Variants in LGSN observed in about 807,000 individuals in gnomAD.
LGSN encodes the protein lengsin.
A neutral mutation model predicts 19.5 loss-of-function variants in LGSN; 21 were observed. The observed-to-expected ratio is 1.07, with a 90% CI of 0.76 to 1.55. LGSN has a LOEUF of 1.55. Among genes scored for constraint, LGSN ranks in the 40% most tolerant of loss-of-function variants. LGSN has a pLI of 0.00. For synonymous variants in LGSN, 257 were observed against 215.6 expected, an observed-to-expected ratio of 1.19 and a Z score of -1.68; for missense variants, 673 against 608.5, an observed-to-expected ratio of 1.11 and a Z score of -1.12.
chr6:63,571,039 A>G, the LGSN span: 4 of 152,316 alleles, frequency 2.6e-5, no homozygotes, highest in African/African-American at 9.6e-5. Flanking sequence ...GTAAAGGGAC[A>G]TATTTCTCAA....
chr6:63,507,758 T>C, the LGSN span, among the ~76,000 whole-genome samples: 5 of 152,350 alleles, frequency 3.3e-5, no homozygotes, highest in Admixed American at 6.5e-5. Flanking sequence ...CCTGTTTTTG[T>C]TTCTTACAGC....
chr6:63,412,552 A>AAGAAAGAAAG, the LGSN span, among the ~76,000 whole-genome samples: 1 of 140,154 alleles, frequency 7.1e-6, no homozygotes, highest in African/African-American at 3.0e-5. Flanking sequence ...GAAAGAAAGA[A>AAGAAAGAAAG]AGAAAGAAAG....
the LGSN span, among the ~76,000 whole-genome samples, chr6:63,535,041 C>T: frequency 2.1e-4 from 32 of 151,836 alleles, no homozygotes; most frequent in Middle Eastern, 3.2e-3. Flanking sequence ...GCCTGGGCAA[C>T]AAGAGTGAAA....
At chr6:63,419,880 CAAAAAAAAAAAAAAAAAA>C in the LGSN span, among the ~76,000 whole-genome samples, 31 of 57,340 alleles carry the variant, frequency 5.4e-4, no homozygotes, top group African/African-American at 1.3e-3. Flanking sequence ...AACTCCCTCC[CAAAAAAAAAAAAAAAAAA>C]AAAAAAAAAA....
At chr6:63,426,430 A>G in the LGSN span, among the ~76,000 whole-genome samples, 1 of 152,116 alleles carries the variant, frequency 6.6e-6, no homozygotes, top group African/African-American at 2.4e-5. Flanking sequence ...TACACACACA[A>G]ACGAAGTGTT....
the LGSN span, among the ~76,000 whole-genome samples, chr6:63,562,134 A>T: frequency 3.9e-5 from 6 of 152,072 alleles, no homozygotes; most frequent in Non-Finnish European, 8.8e-5. Flanking sequence ...CTATTTTTAT[A>T]GCATTTCTTT....
At chr6:63,426,264 T>C in the LGSN span, among the ~76,000 whole-genome samples, 2 of 152,184 alleles carry the variant, frequency 1.3e-5, no homozygotes, top group African/African-American at 4.8e-5. Context: ...GCTTTTCCCT[T>C]TGGAATTCTG....
At chr6:63,541,158 A>G in the LGSN span, among the ~76,000 whole-genome samples, 2 of 152,210 alleles carry the variant, frequency 1.3e-5, no homozygotes, top group Non-Finnish European at 2.9e-5. Flanking sequence ...AGAAATCTGC[A>G]TCTCATCCTA....
the LGSN span, among the ~76,000 whole-genome samples, chr6:63,399,107 T>C: frequency 1.3e-5 from 2 of 151,934 alleles, no homozygotes; most frequent in Non-Finnish European, 2.9e-5. Context: ...GCACGTGGCC[T>C]CATTTTTTTT....
rs1767281659 is a variant in LGSN, at chr6:63,280,917, T to C, written c.634A>G (p.Ile212Val). 6.2e-7 allele frequency: 1 copy of C among 1,613,938 alleles called. No individual in the cohort carries two copies. The highest frequency in any genetic ancestry group is 8.5e-7 in the Non-Finnish European group (1 of 1,179,990). The change falls in exon 4 of 4, where the codon ATT (isoleucine) becomes GTT (valine). Residue 212 changes from isoleucine to valine, a missense_variant. Physicochemically the swap from Ile to Val is conservative, Grantham distance 29 (BLOSUM62 3). Coordinates refer to ENST00000370657, the MANE Select transcript of LGSN (RefSeq NM_016571.3). ...TTTAAAATTTCGGGCACACCAAAAA[T>C]GCAAAAATCATAGATGAAAGCAGAA... The part of the protein sequence containing the change: ...LLSAFIYDFC[I>V]FGVPEILNSK...
chr6:63,303,239 T>C (rs867394686), intron 1 of LGSN, among the ~76,000 whole-genome samples: 2 of 152,218 alleles, frequency 1.3e-5, no homozygotes, highest in South Asian at 4.1e-4. Context: ...CATTTACAGA[T>C]GGCTTCTATT....
the LGSN span, among the ~76,000 whole-genome samples, chr6:63,450,056 T>C: frequency 6.6e-6 from 1 of 151,694 alleles, no homozygotes; most frequent in African/African-American, 2.4e-5. Flanking sequence ...ATGTCTAAAA[T>C]TGAAAAATGG....
the LGSN span, among the ~76,000 whole-genome samples, chr6:63,352,682 G>GACACACAC: frequency 6.9e-6 from 1 of 145,058 alleles, no homozygotes; most frequent in East Asian, 2.0e-4. Flanking sequence ...CACACACACA[G>GACACACAC]ACACACACAC....
chr6:63,373,982 A>T, the LGSN span, among the ~76,000 whole-genome samples: 4 of 152,160 alleles, frequency 2.6e-5, no homozygotes, highest in African/African-American at 9.7e-5. Context: ...CATCCATGGG[A>T]CAATTGACAA....
the LGSN span, chr6:63,548,940 A>C: frequency 2.3e-6 from 2 of 867,942 alleles, no homozygotes; most frequent in African/African-American, 3.3e-5. Flanking sequence ...TAGACGTCCC[A>C]GTCTTGCCTC....
chr6:63,299,091 G>C (rs573199732), intron 1 of LGSN, among the ~76,000 whole-genome samples: 1 of 152,020 alleles, frequency 6.6e-6, no homozygotes, highest in African/African-American at 2.4e-5. Flanking sequence ...TTATTTCCTC[G>C]CCTTATTAAT....
chr6:63,441,320 T>A, the LGSN span: 1 of 468,626 alleles, frequency 2.1e-6, no homozygotes, highest in Non-Finnish European at 4.3e-6. Flanking sequence ...ACTTGGGCCG[T>A]TTGGTCAACC....
chr6:63,392,920 T>C, the LGSN span, among the ~76,000 whole-genome samples: 1 of 143,564 alleles, frequency 7.0e-6, no homozygotes, highest in Non-Finnish European at 1.5e-5. Context: ...GGAGTCTTGC[T>C]CTGTCGCCCA....
the LGSN span, among the ~76,000 whole-genome samples, chr6:63,483,857 C>A: frequency 1.3e-5 from 2 of 151,148 alleles, no homozygotes; most frequent in Non-Finnish European, 2.9e-5. Context: ...CTCACTCTGT[C>A]ATCTACTCTG....
Sources: allele counts gnomAD v4.1 joint callset (sites outside exome capture counted in the v4.1 genomes callset), GRCh38; gene constraint gnomAD v4.1.1; transcripts MANE v1.5; gene names NCBI Gene and HGNC (gene_info 2026-07-23, HGNC 2026-07-21).